Variants in ZBTB20 observed in about 807,000 individuals in gnomAD.
The protein encoded by ZBTB20 is zinc finger and BTB domain-containing protein 20.
In ZBTB20, 9 loss-of-function variants were observed where a neutral mutation model predicts 56.9. The ratio of observed to expected loss-of-function variants is 0.16; its 90% CI spans 0.10 to 0.28. ZBTB20 has a LOEUF of 0.28. Among genes scored for constraint, ZBTB20 ranks in the 10% least tolerant of loss-of-function variants. The pLI is 1.00. For missense variants in ZBTB20, 655 were observed against 1,003.0 expected, an observed-to-expected ratio of 0.65 and a Z score of 4.69; for synonymous variants, 417 against 420.7, an observed-to-expected ratio of 0.99 and a Z score of 0.11.
intron 6 of ZBTB20, among the ~76,000 whole-genome samples, chr3:114,583,363 A>G (rs1268177608): frequency 6.6e-6 from 1 of 152,264 alleles, no homozygotes. Flanking sequence ...AACTGCAAAA[A>G]GATCAATGGA....
At chr3:114,869,815 T>A (rs953066695) in intron 4 of ZBTB20, among the ~76,000 whole-genome samples, 3 of 152,222 alleles carry the variant, frequency 2.0e-5, no homozygotes, top group African/African-American at 7.2e-5. Context: ...CACTTGGAAT[T>A]CCTTTCTTAC....
intron 7 of ZBTB20, among the ~76,000 whole-genome samples, chr3:114,439,995 T>C (rs2090803899): frequency 6.6e-6 from 1 of 152,176 alleles, no homozygotes; most frequent in Admixed American, 6.5e-5. Flanking sequence ...TCTATAATCA[T>C]GCTTAGATTT....
chr3:114,618,576 TA>T (rs1013851359), intron 6 of ZBTB20, among the ~76,000 whole-genome samples: 3 of 152,102 alleles, frequency 2.0e-5, no homozygotes, highest in Non-Finnish European at 4.4e-5. Context: ...TTTCTTAAAC[TA>T]AAAAATACAT....
chr3:114,753,413 G>GTATATATATATATA (rs67371620), intron 5 of ZBTB20, among the ~76,000 whole-genome samples: 1 of 47,598 alleles, frequency 2.1e-5, no homozygotes, highest in African/African-American at 5.3e-5. Flanking sequence ...ATACACACAC[G>GTATATATATATATA]TATATATATA....
At chr3:114,631,784 G>A (rs2058970629) in intron 6 of ZBTB20, among the ~76,000 whole-genome samples, 1 of 152,122 alleles carries the variant, frequency 6.6e-6, no homozygotes, top group Admixed American at 6.5e-5. Flanking sequence ...ATTAAATAGA[G>A]AAGCATCAAT....
intron 2 of ZBTB20, among the ~76,000 whole-genome samples, chr3:114,990,539 T>C (rs1269700532): frequency 6.6e-6 from 1 of 152,206 alleles, no homozygotes; most frequent in Non-Finnish European, 1.5e-5. Context: ...ATCGATGTTT[T>C]CATCAGGGAT....
chr3:115,081,043 G>A (rs2082779266), intron 1 of ZBTB20, among the ~76,000 whole-genome samples: 1 of 152,130 alleles, frequency 6.6e-6, no homozygotes, highest in Non-Finnish European at 1.5e-5. Context: ...GCAAGTACTA[G>A]AAGAAACATT....
chr3:114,445,911 T>C (rs7636524), intron 7 of ZBTB20, among the ~76,000 whole-genome samples: 9,956 of 152,270 alleles, frequency 0.065, 1,098 homozygotes, highest in African/African-American at 0.23. Flanking sequence ...ATTAACTGAC[T>C]TTCTAACTTA....
In ZBTB20 at chr3:114,325,034, T is replaced by A. The variant is rs922454320; in HGVS notation, c.*13971A>T. On this transcript the variant is annotated 3_prime_UTR_variant, in exon 12 of 12. Coordinates refer to ENST00000675478, the MANE Select transcript of ZBTB20 (RefSeq NM_001348800.3). The stretch of plus-strand genomic sequence containing the variant: ...AAGTTACCATAGATTTTCTCTATCA[T>A]ATCAGCTTCTCACCTTTGTTTGCCA... 1 of 152,224 alleles carries A rather than the reference T, an allele frequency of 6.6e-6. No homozygotes were observed. Among genetic ancestry groups the A allele is most frequent in the African/African-American group, 2.4e-5 (1 of 41,460 alleles). 9.4% of individuals were successfully genotyped at this position (152,224 alleles called of 1,614,324 possible).
intron 2 of ZBTB20, among the ~76,000 whole-genome samples, chr3:115,042,531 A>T (rs189639896): frequency 6.6e-6 from 1 of 152,290 alleles, no homozygotes; most frequent in African/African-American, 2.4e-5. Context: ...TCCTAGAGTT[A>T]AAAAAAGAAA....
intron 6 of ZBTB20, chr3:114,529,477 TTA>T (rs2047596864): frequency 6.6e-6 from 1 of 152,190 alleles, no homozygotes; most frequent in South Asian, 2.1e-4. Flanking sequence ...CTCCGAGACA[TTA>T]TGTCTCTTTT....
intron 4 of ZBTB20, among the ~76,000 whole-genome samples, chr3:114,854,832 G>A (rs1043955835): frequency 1.3e-5 from 2 of 152,186 alleles, no homozygotes; most frequent in East Asian, 3.8e-4. Flanking sequence ...ACTCTGATCA[G>A]TAATTATTTT....
At chr3:115,116,610 T>C (rs911344168) in intron 1 of ZBTB20, among the ~76,000 whole-genome samples, 2 of 152,044 alleles carry the variant, frequency 1.3e-5, no homozygotes, top group Non-Finnish European at 2.9e-5. Flanking sequence ...TGCAAGGCTC[T>C]AGTCAAAGCA....
chr3:114,582,659 C>T (rs141468876), intron 6 of ZBTB20, among the ~76,000 whole-genome samples: 2 of 152,262 alleles, frequency 1.3e-5, no homozygotes, highest in African/African-American at 2.4e-5. Context: ...GGATTATAGG[C>T]GTGAGCCACC....
chr3:114,840,070 T>TA (rs201401896), intron 4 of ZBTB20, among the ~76,000 whole-genome samples: 136 of 151,728 alleles, frequency 9.0e-4, no homozygotes, highest in African/African-American at 2.8e-3. Context: ...TGCAATGTAG[T>TA]AAAAAAAAAC....
In ZBTB20 at chr3:114,544,742, C is replaced by A. The variant is rs1260948552; in HGVS notation, c.-294-44351G>T. ...GTGGTCTCAAACTCCTGAGCTCAAG[C>A]AATCCACATGCCTTGGCCTCCCAAA... On this transcript the variant is annotated intron_variant, in intron 6 of 11. Coordinates refer to ENST00000675478, the MANE Select transcript of ZBTB20 (RefSeq NM_001348800.3). Among the ~76,000 whole-genome samples the A allele has an allele frequency of 3.9e-5, 6 of 152,104 alleles. No individual in the cohort carries two copies. The East Asian group carries it at 1.2e-3, about 29-fold the overall frequency.
At chr3:114,844,271 A>G (rs2107345561) in intron 4 of ZBTB20, among the ~76,000 whole-genome samples, 1 of 147,134 alleles carries the variant, frequency 6.8e-6, no homozygotes, top group East Asian at 2.0e-4. Context: ...TAGGAAATGT[A>G]AGCTACTGTG....
At chr3:114,993,774 A>T (rs2078916748) in intron 2 of ZBTB20, among the ~76,000 whole-genome samples, 1 of 151,882 alleles carries the variant, frequency 6.6e-6, no homozygotes, top group South Asian at 2.1e-4. Context: ...TTAGTGGAAA[A>T]TTTATGGCTT....
chr3:114,341,054 TTCTC>T (rs745789203), intron 11 of ZBTB20, among the ~76,000 whole-genome samples: 9 of 152,220 alleles, frequency 5.9e-5, no homozygotes, highest in African/African-American at 9.6e-5. Context: ...TTATTAAACT[TTCTC>T]TCATCAGGAA....
Sources: gnomAD v4.1 joint callset for allele counts (sites outside exome capture counted in the v4.1 genomes callset) on GRCh38, gnomAD v4.1.1 for gene constraint, MANE v1.5 for transcripts, NCBI Gene and HGNC (gene_info 2026-07-23, HGNC 2026-07-21) for gene names.